SLC22A25: variants seen among roughly 807,000 people sequenced by gnomAD.
SLC22A25 encodes the protein MGI:2442751, MGI:2385316, MGI:3042283, MGI:3645714, MGI:3605624, MGI:2442750.
A neutral mutation model predicts 45.9 loss-of-function variants in SLC22A25; 44 were observed. The observed-to-expected ratio is 0.96, with a 90% CI of 0.75 to 1.23. SLC22A25 has a LOEUF of 1.23. Among genes scored for constraint, SLC22A25 ranks in the 50% most tolerant of loss-of-function variants. SLC22A25 has a pLI of 0.00. For missense variants in SLC22A25, 800 were observed against 666.4 expected, an observed-to-expected ratio of 1.20 and a Z score of -2.21; for synonymous variants, 283 against 238.6, an observed-to-expected ratio of 1.19 and a Z score of -1.72.
At position 63,194,997 on chromosome 11, in the gene SLC22A25, G is replaced by A. The variant is rs533928600; in HGVS notation, c.831-11180C>T. 4.9e-5 allele frequency among the ~76,000 whole-genome samples: 7 copies of A among 143,228 alleles called. 1 individual carries two copies. In the South Asian group the frequency reaches 1.3e-3, roughly 27 times the overall value. 94.0% of individuals were successfully genotyped at this position (143,228 alleles called of 152,430 possible). A position where few individuals can be genotyped will look rare whatever the true frequency, so the allele number is the denominator to read the frequency against. On this transcript the variant is annotated intron_variant, in intron 7 of 11. Coordinates refer to ENST00000306494, the MANE Select transcript of SLC22A25 (RefSeq NM_199352.6). Reference sequence around the variant, plus strand: ...CTTTAAACCAACAGTGATCAAAAGAGACAAAGAAGGCCATTACATAATGGT... The same window carrying A: ...CTTTAAACCAACAGTGATCAAAAGAAACAAAGAAGGCCATTACATAATGGT...
rs570550591 is a variant in SLC22A25, at chr11:63,190,363, ATGTAGTTCTCG to A, written c.831-6557_831-6547del. 1.9e-4 allele frequency among the ~76,000 whole-genome samples: 29 copies of A among 152,018 alleles called. No individual in the cohort carries two copies. In the East Asian group the frequency reaches 5.0e-3, roughly 26 times the overall value. ...GGCTACTGAGGCTTGTGCATTCATC[ATGTAGTTCTCG>A]TGTCGTGGTTTTCAGCTCCATCAAG... On this transcript the variant is annotated intron_variant, in intron 7 of 11. Transcript: ENST00000306494.
chr11:63,198,849 G>T (rs908382586), intron 7 of SLC22A25, among the ~76,000 whole-genome samples: 1 of 152,066 alleles, frequency 6.6e-6, no homozygotes, highest in African/African-American at 2.4e-5. Flanking sequence ...GAAATTCTTT[G>T]AAACTTAATG....
At chr11:63,188,404 T>C (rs1341658982) in intron 7 of SLC22A25, among the ~76,000 whole-genome samples, 1 of 152,138 alleles carries the variant, frequency 6.6e-6, no homozygotes, top group African/African-American at 2.4e-5. Context: ...CCCTTTGTCA[T>C]TTTTTATTGC....
chr11:63,166,929 G>C, intron 9 of SLC22A25: 2 of 874,824 alleles, frequency 2.3e-6, no homozygotes, highest in Non-Finnish European at 2.7e-6. Flanking sequence ...AGCTCCCAGC[G>C]AGAGCAATGC....
At chr11:63,182,064 T>G (rs2088346308) in intron 8 of SLC22A25, among the ~76,000 whole-genome samples, 2 of 152,070 alleles carry the variant, frequency 1.3e-5, no homozygotes, top group Middle Eastern at 3.2e-3. Flanking sequence ...AGAGTAGGTG[T>G]GTTAAGCAGT....
intron 9 of SLC22A25, among the ~76,000 whole-genome samples, chr11:63,172,917 A>G (rs1475840616): frequency 6.6e-6 from 1 of 152,130 alleles, no homozygotes; most frequent in Non-Finnish European, 1.5e-5. Flanking sequence ...ACACATGCAC[A>G]TGTATGTTTA....
chr11:63,172,573 G>A (rs757462106), intron 9 of SLC22A25, among the ~76,000 whole-genome samples: 5 of 151,202 alleles, frequency 3.3e-5, no homozygotes, highest in South Asian at 2.1e-4. Context: ...AATGCAAATC[G>A]AAACCACATC....
intron 8 of SLC22A25, among the ~76,000 whole-genome samples, chr11:63,181,306 A>G (rs954221628): frequency 3.3e-5 from 5 of 151,942 alleles, no homozygotes; most frequent in Non-Finnish European, 7.4e-5. Flanking sequence ...TTTAGGGTAC[A>G]TGATATACAT....
At chr11:63,178,492 T>C (rs1300446905) in intron 9 of SLC22A25, among the ~76,000 whole-genome samples, 1 of 152,072 alleles carries the variant, frequency 6.6e-6, no homozygotes, top group Non-Finnish European at 1.5e-5. Context: ...TTTTTTGTCT[T>C]TTTGATAATA....
intron 1 of SLC22A25, 82 bp downstream of exon 1, chr11:63,243,352 C>G (rs779788914): frequency 1.7e-6 from 1 of 582,622 alleles, no homozygotes; most frequent in African/African-American, 1.8e-5. Flanking sequence ...CACCTTTACT[C>G]TCAGCCACCT....
At chr11:63,166,782 A>AT (rs1405084160) in intron 9 of SLC22A25, 1 of 985,146 alleles carries the variant, frequency 1.0e-6, no homozygotes, top group East Asian at 1.1e-4. Context: ...GCAAATCTAG[A>AT]TTAGAATAAG....
chr11:63,178,586 C>T (rs1296703031), intron 9 of SLC22A25, among the ~76,000 whole-genome samples: 2 of 151,196 alleles, frequency 1.3e-5, no homozygotes, highest in Admixed American at 6.6e-5. Flanking sequence ...ATTTTTTATA[C>T]TTGTTGGTCA....
intron 3 of SLC22A25, among the ~76,000 whole-genome samples, chr11:63,231,725 G>A (rs374258542): frequency 6.6e-6 from 1 of 152,126 alleles, no homozygotes; most frequent in African/African-American, 2.4e-5. Context: ...TGTCCTGAAT[G>A]GTATTGCCTA....
Position 63,163,864 on chromosome 11 carries a change from A to C in SLC22A25, c.1604T>G (p.Val535Gly), listed in dbSNP as rs1176609077. 2 of 1,613,582 alleles carry C rather than the reference A, an allele frequency of 1.2e-6. No homozygotes were observed. The highest frequency in any genetic ancestry group is 1.7e-6 in the Non-Finnish European group (2 of 1,179,850). ...CCTCTGAGGGGCAGCTAGGCTATTT[A>C]CTCCCTCATTTTCCACATCCTGGAT... ...DSIQDVENEG[V>G]NSLAAPQRSS... is the part of the protein sequence containing the mutation. Residue 535 changes from valine to glycine, a missense_variant, in exon 12 of 12, where the codon GTA becomes GGA. By Grantham distance (109) the Val-to-Gly change is moderately radical (BLOSUM62 -3). Transcript: ENST00000306494.
In SLC22A25 at chr11:63,161,894, A is replaced by G. The variant is rs1479577741; in HGVS notation, c.*1930T>C. 6.6e-6 allele frequency among the ~76,000 whole-genome samples: 1 copy of G among 152,162 alleles called. No individual in the cohort carries two copies. The highest frequency in any genetic ancestry group is 1.5e-5 in the Non-Finnish European group (1 of 68,016). ...TAATTTACATTCCCACCAACAGTGTATGAGGGTTCCCTTTTCTCCACATTC... is the reference window on the plus strand; with the variant it reads ...TAATTTACATTCCCACCAACAGTGTGTGAGGGTTCCCTTTTCTCCACATTC... On this transcript the variant is annotated 3_prime_UTR_variant, in exon 12 of 12. Transcript: ENST00000306494.
intron 9 of SLC22A25, among the ~76,000 whole-genome samples, chr11:63,171,817 A>C (rs376351782): frequency 3.1e-4 from 47 of 152,320 alleles, no homozygotes; most frequent in African/African-American, 1.1e-3. Flanking sequence ...TTTAAATTTC[A>C]CATGGATTTT....
intron 3 of SLC22A25, among the ~76,000 whole-genome samples, chr11:63,233,595 T>G (rs888529630): frequency 6.6e-6 from 1 of 152,218 alleles, no homozygotes; most frequent in Non-Finnish European, 1.5e-5. Flanking sequence ...AGCTCCTGGA[T>G]TCATTGATTT....
At chr11:63,212,960 C>G (rs958977662) in intron 7 of SLC22A25, among the ~76,000 whole-genome samples, 4 of 152,164 alleles carry the variant, frequency 2.6e-5, no homozygotes, top group Admixed American at 1.3e-4. Context: ...AATAGAGAGG[C>G]TTCTTCACCT....
intron 7 of SLC22A25, among the ~76,000 whole-genome samples, chr11:63,205,081 A>T (rs1056421948): frequency 2.0e-5 from 3 of 152,226 alleles, no homozygotes; most frequent in Non-Finnish European, 4.4e-5. Flanking sequence ...TAACAAAATT[A>T]AGGCAGAAAA....
Sources: gnomAD v4.1 joint callset for allele counts (sites outside exome capture counted in the v4.1 genomes callset) on GRCh38, gnomAD v4.1.1 for gene constraint, MANE v1.5 for transcripts, NCBI Gene and HGNC (gene_info 2026-07-23, HGNC 2026-07-21) for gene names.